DLC1: variants seen among roughly 807,000 people sequenced by gnomAD.
The protein encoded by DLC1 is DLC1 Rho GTPase activating protein, also known as rho GTPase-activating protein 7.
In DLC1, 54 loss-of-function variants were observed where a neutral mutation model predicts 140.3. The observed-to-expected ratio is 0.38, with a 90% CI of 0.31 to 0.48. The LOEUF (loss-of-function observed/expected upper bound fraction) is 0.48. Among genes scored for constraint, DLC1 ranks in the 20% least tolerant of loss-of-function variants. DLC1 has a pLI of 0.96. For missense variants in DLC1, 2,536 were observed against 1,907.0 expected (o/e 1.33, Z -6.14); for synonymous variants, 986 against 728.1 (o/e 1.35, Z -5.70).
At chr8:13,461,027 A>G (rs1429162034) in intron 2 of DLC1, among the ~76,000 whole-genome samples, 1 of 152,222 alleles carries the variant, frequency 6.6e-6, no homozygotes, top group African/African-American at 2.4e-5. Context: ...AGCCTGGGCA[A>G]CAGAGCAAGA....
At chr8:13,394,942 C>A (rs1005013511) in intron 3 of DLC1, among the ~76,000 whole-genome samples, 2 of 151,948 alleles carry the variant, frequency 1.3e-5, no homozygotes. Context: ...ACTTCACTCC[C>A]TTCAACCTCT....
chr8:13,201,933 T>C (rs911723680), intron 5 of DLC1, among the ~76,000 whole-genome samples: 1 of 149,158 alleles, frequency 6.7e-6, no homozygotes, highest in African/African-American at 2.5e-5. Flanking sequence ...TTTTTTTTTT[T>C]TTTTTTTTTT....
intron 5 of DLC1, chr8:13,133,309 A>T (rs17553586): frequency 0.047 from 57,500 of 1,214,556 alleles, 1,534 homozygotes; most frequent in Middle Eastern, 0.091. Flanking sequence ...GCGCTCCGCC[A>T]GCCGGGCCCT....
chr8:13,304,952 T>TA, intron 5 of DLC1: 1 of 1,028,862 alleles, frequency 9.7e-7, no homozygotes, highest in African/African-American at 1.7e-5. Context: ...TATTAATAAC[T>TA]AATTTCCAAA....
upstream of DLC1, among the ~76,000 whole-genome samples, chr8:13,517,236 A>G (rs1802616183): frequency 6.6e-6 from 1 of 152,174 alleles, no homozygotes; most frequent in Non-Finnish European, 1.5e-5. Context: ...TCAATATTAT[A>G]TCAGCATCAT....
chr8:13,246,017 A>T (rs1829748728), intron 5 of DLC1, among the ~76,000 whole-genome samples: 1 of 152,152 alleles, frequency 6.6e-6, no homozygotes, highest in Non-Finnish European at 1.5e-5. Context: ...CTATTTTAAA[A>T]TGCTTTAAAC....
In DLC1 at chr8:13,597,567, A is replaced by G. The variant is rs189029700; in HGVS notation, c.-126+6970T>C. Among the ~76,000 whole-genome samples the G allele has an allele frequency of 3.9e-5, 6 of 152,194 alleles. No individual in the cohort carries two copies. The East Asian group carries it at 7.7e-4, about 20-fold the overall frequency. ...GCAAGTCTTATTTTGTATAATCACA[A>G]TAAGATAAAGATCATAGTGTGTTTT... On this transcript the variant is annotated intron_variant, in intron 1 of 1. Coordinates refer to the DLC1 transcript ENST00000631382.
intron 4 of DLC1, among the ~76,000 whole-genome samples, chr8:13,309,363 A>C (rs1431991780): frequency 6.6e-6 from 1 of 152,132 alleles, no homozygotes; most frequent in African/African-American, 2.4e-5. Flanking sequence ...TAAGATAGGA[A>C]CCTTTTCTAT....
At chr8:13,154,181 G>T (rs745951210) in intron 5 of DLC1, among the ~76,000 whole-genome samples, 1 of 152,234 alleles carries the variant, frequency 6.6e-6, no homozygotes, top group Non-Finnish European at 1.5e-5. Flanking sequence ...GCTTCCCCTA[G>T]TGGATCCCGT....
At chr8:13,479,954 C>T (rs1463002191) in intron 2 of DLC1, among the ~76,000 whole-genome samples, 1 of 106,720 alleles carries the variant, frequency 9.4e-6, no homozygotes, top group Non-Finnish European at 2.3e-5. Context: ...TAGGCCCAGA[C>T]ACTTCAGAGG....
chr8:13,446,101 G>C (rs1320426224), intron 2 of DLC1, among the ~76,000 whole-genome samples: 1 of 152,026 alleles, frequency 6.6e-6, no homozygotes, highest in African/African-American at 2.4e-5. Context: ...TTACGTTTCA[G>C]AAAAATCACA....
At chr8:13,477,598 C>A (rs1476858673) in intron 2 of DLC1, among the ~76,000 whole-genome samples, 1 of 152,122 alleles carries the variant, frequency 6.6e-6, no homozygotes, top group Non-Finnish European at 1.5e-5. Flanking sequence ...ATGATGCTTT[C>A]TTAGGAAGAT....
intron 5 of DLC1, among the ~76,000 whole-genome samples, chr8:13,258,981 C>T (rs1830370026): frequency 6.6e-6 from 1 of 151,484 alleles, no homozygotes; most frequent in Admixed American, 6.6e-5. Context: ...ACTAAAAATA[C>T]AAAAAATTAG....
At position 13,533,594 on chromosome 8, in the gene DLC1, C is replaced by T. The variant is rs561003375; in HGVS notation, c.-125-33398G>A. Among the ~76,000 whole-genome samples the T allele has an allele frequency of 1.4e-4, 22 of 152,218 alleles. No homozygotes were observed. The South Asian group carries it at 4.6e-3, about 32-fold the overall frequency. ...GACGAGGAAGTTGAGTTTCTGAGTCCTTGGGAAACTGACAGGTGCTGAGGA... is the reference window on the plus strand; with the variant it reads ...GACGAGGAAGTTGAGTTTCTGAGTCTTTGGGAAACTGACAGGTGCTGAGGA... On this transcript the variant is annotated intron_variant, in intron 1 of 1. Coordinates refer to the DLC1 transcript ENST00000631382.
At chr8:13,337,668 G>C (rs1833862782) in intron 4 of DLC1, among the ~76,000 whole-genome samples, 1 of 152,086 alleles carries the variant, frequency 6.6e-6, no homozygotes. Flanking sequence ...CCAAGATAAT[G>C]TATATGTAAG....
chr8:13,249,417 C>T (rs1186298747), intron 5 of DLC1, among the ~76,000 whole-genome samples: 2 of 152,106 alleles, frequency 1.3e-5, no homozygotes, highest in African/African-American at 4.8e-5. Flanking sequence ...GTCTCCACTG[C>T]ATTAAGAGAG....
At chr8:13,176,422 A>G (rs1390899947) in intron 5 of DLC1, among the ~76,000 whole-genome samples, 1 of 152,164 alleles carries the variant, frequency 6.6e-6, no homozygotes, top group Non-Finnish European at 1.5e-5. Flanking sequence ...ATTAAAAAAT[A>G]CAAAAGATTA....
intron 5 of DLC1, among the ~76,000 whole-genome samples, chr8:13,291,811 C>T (rs998126529): frequency 1.3e-5 from 2 of 151,958 alleles, no homozygotes; most frequent in African/African-American, 4.8e-5. Flanking sequence ...CTAAAGAAAA[C>T]AAAAGCAAGG....
intron 4 of DLC1, among the ~76,000 whole-genome samples, chr8:13,372,919 C>T (rs929532432): frequency 1.9e-4 from 29 of 152,150 alleles, no homozygotes; most frequent in Non-Finnish European, 3.5e-4. Context: ...AAACACCATG[C>T]CCAGCATCCA....
Sources: allele counts gnomAD v4.1 joint callset (sites outside exome capture counted in the v4.1 genomes callset), GRCh38; gene constraint gnomAD v4.1.1; transcripts MANE v1.5; gene names NCBI Gene and HGNC (gene_info 2026-07-23, HGNC 2026-07-21).